TRAPPC13: variants seen among roughly 807,000 people sequenced by gnomAD.
TRAPPC13 encodes the protein trafficking protein particle complex subunit 13.
TRAPPC13 carries 39 observed loss-of-function variants against 54.0 expected under a neutral mutation model. The observed-to-expected ratio is 0.72, with a 90% confidence interval of 0.56 to 0.94. The LOEUF (loss-of-function observed/expected upper bound fraction) is 0.94, where lower values mean the gene tolerates loss of function less well. Ranked by LOEUF, TRAPPC13 falls within the 40% of genes least tolerant of loss-of-function variation. The probability of loss-of-function intolerance (pLI) is 0.00; values close to 1 mark genes in which losing one functional copy is unlikely to be tolerated. For synonymous variants in TRAPPC13, 148 were observed against 167.7 expected, an observed-to-expected ratio of 0.88 and a Z score of 0.91; for missense variants, 386 against 488.1, an observed-to-expected ratio of 0.79 and a Z score of 1.97.
At chr5:65,656,523 A>G (rs1302774720) in intron 8 of TRAPPC13, among the ~76,000 whole-genome samples, 2 of 152,176 alleles carry the variant, frequency 1.3e-5, no homozygotes, top group Admixed American at 1.3e-4. Flanking sequence ...CCAAAAACTA[A>G]AGAATCTGTT....
At chr5:65,658,143 A>G (rs1219040058) in intron 8 of TRAPPC13, 1 of 391,358 alleles carries the variant, frequency 2.6e-6, no homozygotes, top group African/African-American at 2.1e-5. Flanking sequence ...TCCTCCATCC[A>G]TTGTTTGACA....
intron 1 of TRAPPC13, among the ~76,000 whole-genome samples, chr5:65,628,104 C>T (rs1270662726): frequency 6.6e-6 from 1 of 152,176 alleles, no homozygotes; most frequent in African/African-American, 2.4e-5. Context: ...ATTAGCAAGC[C>T]TAACTTGCAG....
At chr5:65,663,249 C>T (rs1756905849) in intron 11 of TRAPPC13, 1 of 151,842 alleles carries the variant, frequency 6.6e-6, no homozygotes, top group African/African-American at 2.4e-5. Flanking sequence ...TTTGGTGATT[C>T]ATACAAGTTT....
At chr5:65,638,215 CATT>C (rs1755835541) in intron 4 of TRAPPC13, among the ~76,000 whole-genome samples, 1 of 151,756 alleles carries the variant, frequency 6.6e-6, no homozygotes, top group African/African-American at 2.4e-5. Flanking sequence ...TTTTAATTGT[CATT>C]AACAAGCACT....
rs1408035798 is a variant in TRAPPC13 at position 65,647,072 on chromosome 5, T to C, written c.318T>C (p.Ser106=). The C allele has an allele frequency of 6.5e-7, 1 of 1,548,914 alleles. No homozygotes were observed. Among genetic ancestry groups the C allele is most frequent in the East Asian group, 2.4e-5 (1 of 41,240 alleles). The change falls in exon 5 of 13, where the codon AGT becomes AGC. Residue 106 remains serine, a synonymous_variant. Coordinates refer to ENST00000399438, the MANE Select transcript of TRAPPC13 (RefSeq NM_024941.4). ...DILVKADLQT[S]SQRLNLSASN... is the part of the protein sequence containing the mutation. ...CTTTCAAGGCTGATCTTCAGACAAGTTCTCAGCGTTTAAATCTTTCAGCCT... is the reference window on the plus strand; with the variant it reads ...CTTTCAAGGCTGATCTTCAGACAAGCTCTCAGCGTTTAAATCTTTCAGCCT...
At chr5:65,654,300 A>G (rs888456708) in intron 7 of TRAPPC13, among the ~76,000 whole-genome samples, 24 of 152,298 alleles carry the variant, frequency 1.6e-4, no homozygotes, top group Admixed American at 5.2e-4. Context: ...TCACTTATAT[A>G]TAATATTCTA....
At chr5:65,629,940 GTAAACAA>G in intron 1 of TRAPPC13, 1 of 1,536,026 alleles carries the variant, frequency 6.5e-7, no homozygotes, top group Non-Finnish European at 8.7e-7. Flanking sequence ...GGAAATCTGG[GTAAACAA>G]TCAGAAAAGG....
intron 4 of TRAPPC13, among the ~76,000 whole-genome samples, chr5:65,646,235 A>C (rs1032808303): frequency 6.6e-6 from 1 of 152,090 alleles, no homozygotes; most frequent in Non-Finnish European, 1.5e-5. Context: ...GAGAAAAAAG[A>C]AATATAATGG....
chr5:65,625,153 C>G (rs770973082), intron 1 of TRAPPC13, 47 bp downstream of exon 1: 1 of 1,509,442 alleles, frequency 6.6e-7, no homozygotes, highest in African/African-American at 1.4e-5. Flanking sequence ...TCCTTGCATT[C>G]CCTACTTATC....
chr5:65,635,658 G>A (rs1755718318), intron 2 of TRAPPC13, among the ~76,000 whole-genome samples: 1 of 151,864 alleles, frequency 6.6e-6, no homozygotes, highest in Non-Finnish European at 1.5e-5. Context: ...TTGCATCAAT[G>A]TATGTATTAG....
chr5:65,656,115 A>G (rs1242434063), intron 8 of TRAPPC13, among the ~76,000 whole-genome samples: 1 of 152,214 alleles, frequency 6.6e-6, no homozygotes, highest in African/African-American at 2.4e-5. Flanking sequence ...AAGAAAAGCA[A>G]ATTTTCCCAA....
chr5:65,627,766 G>A (rs1441691641), intron 1 of TRAPPC13, among the ~76,000 whole-genome samples: 1 of 152,170 alleles, frequency 6.6e-6, no homozygotes, highest in Non-Finnish European at 1.5e-5. Context: ...GTTCTTGAAA[G>A]TATATATGAT....
chr5:65,655,617 T>G lies in TRAPPC13; in HGVS notation c.547-19T>G. On this transcript the variant is annotated intron_variant, in intron 7 of 12. Transcript: ENST00000399438. ...TTAACTCTGATTTTTCTAATTATTC[T>G]TTTTTATTTTTCCATTAGAGTGACC... The G allele has an allele frequency of 1.3e-6, 1 of 774,634 alleles. No homozygotes were observed. The highest frequency in any genetic ancestry group is 1.8e-6 in the Non-Finnish European group (1 of 549,592). The allele number at this position is 774,634 out of a possible 1,614,324, so 48.0% of individuals were successfully genotyped here. A position where few individuals can be genotyped will look rare whatever the true frequency, so the allele number is the denominator to read the frequency against.
chr5:65,635,244 A>AAT, intron 1 of TRAPPC13, 57 bp from the exon 2 acceptor site: 1 of 1,437,288 alleles, frequency 7.0e-7, no homozygotes, highest in Non-Finnish European at 9.7e-7. Flanking sequence ...TAGACTTGAG[A>AAT]ATATTAACCC....
chr5:65,636,214 G>A (rs906417919), intron 3 of TRAPPC13, among the ~76,000 whole-genome samples, 171 bp downstream of exon 3: 2 of 150,258 alleles, frequency 1.3e-5, no homozygotes, highest in Non-Finnish European at 2.9e-5. Flanking sequence ...TGCCATTTGA[G>A]CTCAGTGCAA....
At chr5:65,641,532 C>T (rs901039310) in intron 4 of TRAPPC13, among the ~76,000 whole-genome samples, 1 of 151,836 alleles carries the variant, frequency 6.6e-6, no homozygotes, top group Non-Finnish European at 1.5e-5. Flanking sequence ...ATATAATGAT[C>T]GATGTCCCTA....
In TRAPPC13 at chr5:65,664,268, T is replaced by C. The variant is rs772191445; in HGVS notation, c.1030T>C (p.Cys344Arg). 3.1e-6 allele frequency: 5 copies of C among 1,613,936 alleles called. No individual in the cohort carries two copies. Among genetic ancestry groups the C allele is most frequent in the Non-Finnish European group, 4.2e-6 (5 of 1,179,836 alleles). Residue 344 changes from cysteine (C) to arginine (R), a missense_variant, in exon 12 of 13, where the codon TGC becomes CGC. Transcript: ENST00000399438. ...GACTATGGATCTGGTTTTGGAAATG[T>C]GCAATACCAATTCCATCCACTGGTG... ...ERTMDLVLEM[C>R]NTNSIHWCGI... is the part of the protein sequence containing the mutation.
chr5:65,652,958 C>G (rs1756524874), intron 7 of TRAPPC13, among the ~76,000 whole-genome samples: 1 of 151,902 alleles, frequency 6.6e-6, no homozygotes, highest in Admixed American at 6.6e-5. Context: ...TGAAGCTTAG[C>G]ACATTAAATT....
intron 1 of TRAPPC13, among the ~76,000 whole-genome samples, chr5:65,629,013 G>GT (rs1755396193): frequency 6.6e-6 from 1 of 151,664 alleles, no homozygotes; most frequent in Admixed American, 6.6e-5. Context: ...GTAGAGATGG[G>GT]TTTTCACCAT....
Sources: allele counts gnomAD v4.1 joint callset (sites outside exome capture counted in the v4.1 genomes callset), GRCh38; gene constraint gnomAD v4.1.1; transcripts MANE v1.5; gene names NCBI Gene and HGNC (gene_info 2026-07-23, HGNC 2026-07-21).